Variants in NCKAP5 observed in about 807,000 individuals in gnomAD.
NCKAP5 encodes the protein nck-associated protein 5.
NCKAP5 carries 92 observed loss-of-function variants against 167.0 expected under a neutral mutation model. That is an observed-to-expected ratio of 0.55 (90% CI 0.47 to 0.66). The LOEUF is 0.66. Ranked by LOEUF, NCKAP5 falls within the 30% of genes least tolerant of loss-of-function variation. The pLI is 0.00. For synonymous variants in NCKAP5, 891 were observed against 877.4 expected (o/e 1.02, Z -0.27); for missense variants, 2,378 against 2,315.0 (o/e 1.03, Z -0.56).
chr2:133,481,568 A>G (rs748801791), intron 3 of NCKAP5, among the ~76,000 whole-genome samples: 1 of 152,112 alleles, frequency 6.6e-6, no homozygotes, highest in Non-Finnish European at 1.5e-5. Context: ...TTTTTTCCTG[A>G]TCCTCTCCCT....
chr2:133,227,466 A>G (rs1246554259), intron 4 of NCKAP5, among the ~76,000 whole-genome samples: 1 of 152,182 alleles, frequency 6.6e-6, no homozygotes, highest in Non-Finnish European at 1.5e-5. Context: ...TTATTGGAGC[A>G]TATGTTGGCC....
chr2:133,199,712 G>C (rs2085591020), intron 5 of NCKAP5, among the ~76,000 whole-genome samples: 1 of 151,782 alleles, frequency 6.6e-6, no homozygotes. Flanking sequence ...TTCACTCCTA[G>C]GTATTTATCA....
At chr2:133,391,104 C>G (rs1266706070) in intron 3 of NCKAP5, 1 of 152,190 alleles carries the variant, frequency 6.6e-6, no homozygotes, top group East Asian at 1.9e-4. Flanking sequence ...TGAGAGCTCT[C>G]TGCCACGTCA....
At chr2:132,724,951 G>GA (rs1265566109) in intron 19 of NCKAP5, among the ~76,000 whole-genome samples, 6 of 151,814 alleles carry the variant, frequency 4.0e-5, no homozygotes, top group Admixed American at 3.9e-4. Context: ...TAGTATTTTA[G>GA]AAAAAAGTTG....
intron 8 of NCKAP5, among the ~76,000 whole-genome samples, chr2:132,933,071 C>T (rs1264034988): frequency 1.3e-5 from 2 of 151,986 alleles, no homozygotes; most frequent in Non-Finnish European, 1.5e-5. Flanking sequence ...ACTACAGGCA[C>T]CTGCCACCAC....
At chr2:133,560,875 A>G (rs1015617163) in intron 1 of NCKAP5, among the ~76,000 whole-genome samples, 3 of 152,184 alleles carry the variant, frequency 2.0e-5, no homozygotes, top group Non-Finnish European at 2.9e-5. Context: ...AGGTCAAGAG[A>G]GCCATCATCT....
intron 19 of NCKAP5, among the ~76,000 whole-genome samples, chr2:132,713,396 T>C (rs924224899): frequency 1.1e-4 from 16 of 152,154 alleles, no homozygotes; most frequent in African/African-American, 2.9e-4. Flanking sequence ...GAGGAAGATA[T>C]CTCTTCCCAA....
intron 3 of NCKAP5, among the ~76,000 whole-genome samples, chr2:133,354,721 C>T (rs998412707): frequency 1.3e-5 from 2 of 152,016 alleles, no homozygotes; most frequent in Admixed American, 1.3e-4. Flanking sequence ...AGTTTGTGCA[C>T]AGGACTATAA....
intron 8 of NCKAP5, chr2:132,930,287 A>C (rs763152750): frequency 4.6e-5 from 7 of 152,164 alleles, no homozygotes; most frequent in Non-Finnish European, 8.8e-5. Flanking sequence ...GTGATAATTA[A>C]TTTTATGTGT....
chr2:132,918,295 A>G (rs1695040189), intron 8 of NCKAP5, among the ~76,000 whole-genome samples: 1 of 152,164 alleles, frequency 6.6e-6, no homozygotes, highest in African/African-American at 2.4e-5. Context: ...ACTCAAAGCA[A>G]TTTCATTTTA....
chr2:132,860,754 T>C, intron 10 of NCKAP5, 143 bp from the exon 11 acceptor site: 1 of 1,126,360 alleles, frequency 8.9e-7, no homozygotes. Flanking sequence ...ATCACATACG[T>C]TTTCGTCCAC....
intron 9 of NCKAP5, among the ~76,000 whole-genome samples, chr2:132,872,349 ATCT>A (rs1254228946): frequency 1.3e-5 from 2 of 152,280 alleles, no homozygotes; most frequent in East Asian, 1.9e-4. Context: ...CACATGGCTG[ATCT>A]TCTACTCACA....
At chr2:132,749,419 G>T (rs1390489354) in intron 16 of NCKAP5, among the ~76,000 whole-genome samples, 1 of 152,108 alleles carries the variant, frequency 6.6e-6, no homozygotes, top group Non-Finnish European at 1.5e-5. Flanking sequence ...GCCCAGGCTG[G>T]TCTCGAACTC....
intron 5 of NCKAP5, among the ~76,000 whole-genome samples, chr2:133,135,697 C>G (rs908262892): frequency 6.6e-6 from 1 of 152,132 alleles, no homozygotes; most frequent in Non-Finnish European, 1.5e-5. Context: ...TGGTTTTGAA[C>G]AAGCCACTTA....
chr2:133,586,872 C>A, the NCKAP5 span, among the ~76,000 whole-genome samples: 2 of 151,766 alleles, frequency 1.3e-5, no homozygotes, highest in African/African-American at 2.4e-5. Context: ...CTACGATGAA[C>A]TGGAAAGGGC....
At chr2:132,957,782 C>A (rs1022956015) in intron 8 of NCKAP5, among the ~76,000 whole-genome samples, 1 of 152,260 alleles carries the variant, frequency 6.6e-6, no homozygotes, top group South Asian at 2.1e-4. Context: ...GGTCATAAGA[C>A]CCCTATTCTA....
intron 11 of NCKAP5, among the ~76,000 whole-genome samples, chr2:132,815,113 A>T (rs1190637319): frequency 2.0e-5 from 3 of 152,152 alleles, no homozygotes; most frequent in African/African-American, 7.2e-5. Context: ...CAAATCCCTA[A>T]AGATTTATCA....
intron 3 of NCKAP5, among the ~76,000 whole-genome samples, chr2:133,401,718 A>G (rs185869557): frequency 7.2e-5 from 11 of 152,266 alleles, no homozygotes; most frequent in African/African-American, 2.6e-4. Flanking sequence ...TACCATAATT[A>G]AAAAAAGGAT....
At chr2:132,819,415 C>G (rs1686540099) in intron 11 of NCKAP5, among the ~76,000 whole-genome samples, 2 of 152,194 alleles carry the variant, frequency 1.3e-5, no homozygotes, top group African/African-American at 4.8e-5. Context: ...GGCATTTTAG[C>G]CCTGTGGTGA....
Sources: allele counts gnomAD v4.1 joint callset (sites outside exome capture counted in the v4.1 genomes callset), GRCh38; gene constraint gnomAD v4.1.1; transcripts MANE v1.5; gene names NCBI Gene and HGNC (gene_info 2026-07-23, HGNC 2026-07-21).